Variants in KSR2 observed in about 807,000 individuals in gnomAD.
KSR2 encodes kinase suppressor of ras 2.
A neutral mutation model predicts 107.8 loss-of-function variants in KSR2; 25 were observed. That is an observed-to-expected ratio of 0.23 (90% CI 0.17 to 0.32). The LOEUF (loss-of-function observed/expected upper bound fraction) is 0.32, where lower values mean the gene tolerates loss of function less well. Ranked by LOEUF, KSR2 falls within the 10% of genes least tolerant of loss-of-function variation. The pLI is 1.00. For missense variants in KSR2, 887 were observed against 1,268.9 expected (o/e 0.70, Z 4.57); for synonymous variants, 480 against 507.0 (o/e 0.95, Z 0.71).
At chr12:117,953,342 T>C (rs542297836) in intron 1 of KSR2, among the ~76,000 whole-genome samples, 62 of 152,214 alleles carry the variant, frequency 4.1e-4, no homozygotes, top group South Asian at 2.5e-3. Context: ...CCAAAAAGAA[T>C]TGAAAACAAG....
rs77721551 is a variant in KSR2, at chr12:117,911,090, T to C, written c.181-50659A>G. Among the ~76,000 whole-genome samples the C allele has an allele frequency of 2.2e-4, 33 of 152,276 alleles. No individual in the cohort carries two copies. In the East Asian group the frequency reaches 6.2e-3, roughly 28 times the overall value. ...AAAGGTCATCTCTTCTGTTAAACCT[T>C]ATCTATGGTAGATCATTTTACTGTT... On this transcript the variant is annotated intron_variant, in intron 1 of 19. Transcript: ENST00000339824.
In KSR2 at chr12:117,724,415, T is replaced by C. The variant is rs1156511258; in HGVS notation, c.986+36596A>G. 2.0e-5 allele frequency among the ~76,000 whole-genome samples: 3 copies of C among 152,194 alleles called. No homozygotes were observed. The South Asian group carries it at 6.2e-4, about 32-fold the overall frequency. On this transcript the variant is annotated intron_variant, in intron 4 of 19. Coordinates refer to ENST00000339824, the MANE Select transcript of KSR2 (RefSeq NM_173598.6). The stretch of plus-strand genomic sequence containing the variant: ...ACTGAGGTGTTAGCCCAGGTTCTGA[T>C]CCACCATTTACAAATATAAAAACTA...
intron 1 of KSR2, among the ~76,000 whole-genome samples, chr12:117,949,920 A>C (rs1896310009): frequency 6.6e-6 from 1 of 152,148 alleles, no homozygotes; most frequent in Non-Finnish European, 1.5e-5. Flanking sequence ...GAACTAATTA[A>C]TGATAAATAT....
chr12:117,583,334 T>C (rs1053197086), intron 5 of KSR2, among the ~76,000 whole-genome samples: 3 of 137,716 alleles, frequency 2.2e-5, no homozygotes, highest in Admixed American at 7.0e-5. Flanking sequence ...GGTGGATGGA[T>C]AGATAGATGG....
chr12:117,743,272 A>G (rs528354101), intron 4 of KSR2, among the ~76,000 whole-genome samples: 2 of 152,266 alleles, frequency 1.3e-5, no homozygotes, highest in Non-Finnish European at 2.9e-5. Flanking sequence ...CTTCGTCTTC[A>G]TTAACCAGGA....
chr12:117,832,606 G>C (rs985164733), intron 3 of KSR2, among the ~76,000 whole-genome samples: 23 of 152,214 alleles, frequency 1.5e-4, no homozygotes, highest in African/African-American at 5.5e-4. Flanking sequence ...CAGGCCAGTA[G>C]CTGCCTGATG....
intron 1 of KSR2, among the ~76,000 whole-genome samples, chr12:117,886,971 T>C (rs1046110527): frequency 6.6e-6 from 1 of 152,176 alleles, no homozygotes; most frequent in African/African-American, 2.4e-5. Context: ...TCACCAAGGC[T>C]GGAATGCAGT....
intron 5 of KSR2, among the ~76,000 whole-genome samples, chr12:117,649,644 C>T (rs1883801359): frequency 6.6e-6 from 1 of 152,274 alleles, no homozygotes; most frequent in Middle Eastern, 3.4e-3. Flanking sequence ...GCTTGTCCAA[C>T]TCTCAGTTGC....
intron 1 of KSR2, among the ~76,000 whole-genome samples, chr12:117,939,993 A>T (rs762388513): frequency 6.6e-6 from 1 of 151,116 alleles, no homozygotes; most frequent in East Asian, 1.9e-4. Flanking sequence ...ACACATTTTA[A>T]TTAACAGCAT....
intron 5 of KSR2, among the ~76,000 whole-genome samples, chr12:117,659,166 C>T (rs1565948255): frequency 1.3e-5 from 2 of 152,078 alleles, no homozygotes; most frequent in South Asian, 2.1e-4. Flanking sequence ...TGTACCTGAC[C>T]GAGGATCAGG....
intron 3 of KSR2, among the ~76,000 whole-genome samples, chr12:117,777,140 T>A (rs200531528): frequency 0.03 from 2,983 of 97,842 alleles, 145 homozygotes; most frequent in East Asian, 0.27. Context: ...TACACTATAT[T>A]ATATATATAT....
At chr12:117,937,757 G>A (rs1056514069) in intron 1 of KSR2, among the ~76,000 whole-genome samples, 2 of 149,204 alleles carry the variant, frequency 1.3e-5, no homozygotes, top group African/African-American at 4.9e-5. Context: ...TCAGGAGTTC[G>A]AGACCAGCCT....
intron 5 of KSR2, among the ~76,000 whole-genome samples, chr12:117,653,034 A>C (rs1347539577): frequency 6.6e-6 from 1 of 152,232 alleles, no homozygotes; most frequent in Admixed American, 6.5e-5. Context: ...AAAATAGTAA[A>C]TCAAAAACAA....
chr12:117,559,672 T>C (rs1877973712), intron 7 of KSR2, among the ~76,000 whole-genome samples: 1 of 152,222 alleles, frequency 6.6e-6, no homozygotes, highest in Non-Finnish European at 1.5e-5. Flanking sequence ...TTGAAGAGTT[T>C]AGAATGATAA....
At chr12:117,801,153 C>A (rs1890818379) in intron 3 of KSR2, among the ~76,000 whole-genome samples, 1 of 152,098 alleles carries the variant, frequency 6.6e-6, no homozygotes, top group African/African-American at 2.4e-5. Flanking sequence ...ACTCTGTCAC[C>A]CAGGCTGGAG....
At chr12:117,612,953 C>A (rs939174238) in intron 5 of KSR2, among the ~76,000 whole-genome samples, 2 of 152,160 alleles carry the variant, frequency 1.3e-5, no homozygotes, top group Non-Finnish European at 2.9e-5. Context: ...TTTCCTTCTG[C>A]CATGATTGTA....
intron 1 of KSR2, among the ~76,000 whole-genome samples, chr12:117,881,883 G>A (rs568013252): frequency 1.3e-5 from 2 of 152,316 alleles, no homozygotes; most frequent in East Asian, 3.9e-4. Flanking sequence ...TATTTCTTGA[G>A]GTTGTGAGAA....
At chr12:117,739,550 C>G (rs1367954474) in intron 4 of KSR2, among the ~76,000 whole-genome samples, 1 of 152,076 alleles carries the variant, frequency 6.6e-6, no homozygotes, top group Non-Finnish European at 1.5e-5. Flanking sequence ...ATATCACTGG[C>G]CCTCGATAAT....
chr12:117,538,285 T>C (rs1023758868), intron 10 of KSR2, among the ~76,000 whole-genome samples: 1 of 152,120 alleles, frequency 6.6e-6, no homozygotes, highest in African/African-American at 2.4e-5. Context: ...CTACACTAGG[T>C]GGATATGAGG....
Sources: gnomAD v4.1 joint callset for allele counts (sites outside exome capture counted in the v4.1 genomes callset) on GRCh38, gnomAD v4.1.1 for gene constraint, MANE v1.5 for transcripts, NCBI Gene and HGNC (gene_info 2026-07-23, HGNC 2026-07-21) for gene names.